Variants in CACNB4 observed in about 807,000 individuals in gnomAD.
CACNB4 encodes calcium voltage-gated channel auxiliary subunit beta 4, also known as voltage-dependent L-type calcium channel subunit beta-4.
In CACNB4, 32 loss-of-function variants were observed where a neutral mutation model predicts 71.2. The ratio of observed to expected loss-of-function variants is 0.45; its 90% CI spans 0.34 to 0.60. The LOEUF (loss-of-function observed/expected upper bound fraction) is 0.60, where lower values mean the gene tolerates loss of function less well. Ranked by LOEUF, CACNB4 falls within the 20% of genes least tolerant of loss-of-function variation. CACNB4 has a pLI of 0.01. For missense variants in CACNB4, 464 were observed against 647.9 expected (o/e 0.72, Z 3.08); for synonymous variants, 231 against 236.9 (o/e 0.97, Z 0.23).
chr2:151,909,772 G>A (rs771251381), intron 2 of CACNB4, among the ~76,000 whole-genome samples: 1 of 152,134 alleles, frequency 6.6e-6, no homozygotes, highest in Non-Finnish European at 1.5e-5. Context: ...TCCCATGGTG[G>A]ATACGTACCA....
intron 12 of CACNB4, among the ~76,000 whole-genome samples, chr2:151,846,901 G>T (rs893177063): frequency 6.6e-6 from 1 of 152,028 alleles, no homozygotes; most frequent in African/African-American, 2.4e-5. Context: ...CTAGACAGGG[G>T]ATTAAATGTA....
chr2:152,084,387 A>G (rs1415462472), intron 2 of CACNB4, among the ~76,000 whole-genome samples: 1 of 152,228 alleles, frequency 6.6e-6, no homozygotes, highest in Non-Finnish European at 1.5e-5. Flanking sequence ...TGAGGAAGGC[A>G]CAGCTCCTGC....
chr2:151,857,994 A>G (rs778998568), intron 10 of CACNB4: 12 of 152,346 alleles, frequency 7.9e-5, no homozygotes, highest in Non-Finnish European at 1.8e-4. Flanking sequence ...GGTGAGCCCA[A>G]TGTTTGGATA....
intron 12 of CACNB4, among the ~76,000 whole-genome samples, chr2:151,842,357 G>A (rs2099836443): frequency 8.4e-6 from 1 of 119,496 alleles, no homozygotes; most frequent in South Asian, 2.7e-4. Context: ...TTAAGACGGA[G>A]TCTCATTCTG....
rs886054961 is a variant in CACNB4, at chr2:151,837,334, C to T, written c.*1785G>A. 10 of 151,938 alleles carry T rather than the reference C, an allele frequency of 6.6e-5. No individual in the cohort carries two copies. Among genetic ancestry groups the T allele is most frequent in the Admixed American group, 4.6e-4 (7 of 15,224 alleles). The allele number at this position is 151,938 out of a possible 1,614,324, so 9.4% of individuals were successfully genotyped here. A position where few individuals can be genotyped will look rare whatever the true frequency, so the allele number is the denominator to read the frequency against. ...TTCATAATGGGGTACAAACACTGAA[C>T]ATAAATGCAGGGGGATGTGGTGAGG... On this transcript the variant is annotated 3_prime_UTR_variant, in exon 14 of 14. Transcript: ENST00000539935.
chr2:151,924,673 G>A (rs2099859809), intron 2 of CACNB4, among the ~76,000 whole-genome samples: 1 of 152,092 alleles, frequency 6.6e-6, no homozygotes, highest in African/African-American at 2.4e-5. Context: ...ATCCCTGGAT[G>A]AATAAGAGAA....
chr2:152,019,644 T>C (rs778040101), intron 2 of CACNB4, among the ~76,000 whole-genome samples: 5 of 152,144 alleles, frequency 3.3e-5, no homozygotes, highest in African/African-American at 7.2e-5. Context: ...ACAAGAAAGA[T>C]GATATCTCCC....
Position 152,098,349 on chromosome 2 carries a change from G to A in CACNB4, c.128C>T (p.Thr43Ile), listed in dbSNP as rs1342557430. The A allele has an allele frequency of 6.2e-7, 1 of 1,613,566 alleles. No homozygotes were observed. Among genetic ancestry groups the A allele is most frequent in the South Asian group, 1.1e-5 (1 of 91,084 alleles). The change falls in exon 2 of 14, where the codon ACC (threonine) becomes ATC (isoleucine). Residue 43 changes from threonine to isoleucine, a missense_variant. Around this residue, in one of 3 missense-constraint regions of CACNB4, gnomAD observed 299 missense variants for 471.7 expected, o/e 0.63. Coordinates refer to ENST00000539935, the MANE Select transcript of CACNB4 (RefSeq NM_000726.5). The surrounding 1 kb of genome is among the most constrained non-coding windows in gnomAD (Gnocchi z 5.3). ...TCATACCTGTCTGAGGATGAAGCTG[G>A]TCGAAGTGGTGCTGCCATCGGATCT... is the stretch of plus-strand genomic sequence containing the variant. ...LKRSDGSTTSTSFILRQGSAD... is the reference protein window; with the variant it reads ...LKRSDGSTTSISFILRQGSAD...
chr2:152,063,270 T>C (rs767486259), intron 2 of CACNB4, among the ~76,000 whole-genome samples: 1 of 152,314 alleles, frequency 6.6e-6, no homozygotes, highest in Middle Eastern at 3.4e-3. Context: ...TACCCAATTA[T>C]AGGAATTGGT....
intron 2 of CACNB4, among the ~76,000 whole-genome samples, chr2:151,951,768 G>A (rs757003223): frequency 2.0e-5 from 3 of 152,154 alleles, no homozygotes; most frequent in Non-Finnish European, 2.9e-5. Context: ...AAAGACTAAC[G>A]AGGAAGCTGG....
intron 2 of CACNB4, among the ~76,000 whole-genome samples, chr2:151,884,629 C>T (rs1353795563): frequency 2.6e-5 from 3 of 116,138 alleles, no homozygotes; most frequent in African/African-American, 1.0e-4. Flanking sequence ...AGCGAGACTC[C>T]GTCTCAAAAA....
In CACNB4 at chr2:151,839,372, C is replaced by T. The variant is rs751754026; in HGVS notation, c.1310G>A (p.Arg437Gln). 146 of 1,606,354 alleles carry T rather than the reference C, an allele frequency of 9.1e-5. No individual in the cohort carries two copies. The highest frequency in any genetic ancestry group is 1.1e-4 in the South Asian group (10 of 90,862). The change falls in exon 14 of 14, where the codon CGA (arginine) becomes CAA (glutamine). Residue 437 changes from arginine (R) to glutamine (Q), a missense_variant. Transcript: ENST00000539935. Reference sequence around the variant, plus strand: ...TGTGGAGTGGTTGCTGTGCCTCATTCGCTGACTCTAAAAATATCAGATAGT... The same window carrying T: ...TGTGGAGTGGTTGCTGTGCCTCATTTGCTGACTCTAAAAATATCAGATAGT... Reference protein sequence around the residue: ...PTAISGLQSQRMRHSNHSTEN... With the variant: ...PTAISGLQSQQMRHSNHSTEN...
intron 2 of CACNB4, among the ~76,000 whole-genome samples, chr2:152,009,446 T>C (rs977961474): frequency 6.6e-6 from 1 of 152,136 alleles, no homozygotes; most frequent in Admixed American, 6.5e-5. Flanking sequence ...CATAAGAACA[T>C]ATCAATATCA....
intron 2 of CACNB4, among the ~76,000 whole-genome samples, chr2:151,940,832 A>T (rs1386520183): frequency 6.6e-6 from 1 of 152,228 alleles, no homozygotes; most frequent in Non-Finnish European, 1.5e-5. Context: ...CCAGGGCTAT[A>T]GTGCTCTTCT....
chr2:151,879,426 A>G (rs1220240035), intron 4 of CACNB4: 1 of 150,628 alleles, frequency 6.6e-6, no homozygotes, highest in South Asian at 2.1e-4. Context: ...GCATAGTTGT[A>G]GCTTTTCTCT....
intron 12 of CACNB4, among the ~76,000 whole-genome samples, chr2:151,845,023 T>C (rs138440584): frequency 6.6e-6 from 1 of 152,234 alleles, no homozygotes; most frequent in Non-Finnish European, 1.5e-5. Context: ...ACAGCCAGGA[T>C]TGCAAAGCCC....
intron 2 of CACNB4, among the ~76,000 whole-genome samples, chr2:151,915,441 GC>G (rs1364511316): frequency 6.6e-6 from 1 of 152,196 alleles, no homozygotes; most frequent in African/African-American, 2.4e-5. Flanking sequence ...TGTCCCTCCC[GC>G]AAGGAGCTCA....
At chr2:151,949,967 G>C (rs950604536) in intron 2 of CACNB4, among the ~76,000 whole-genome samples, 4 of 152,120 alleles carry the variant, frequency 2.6e-5, no homozygotes, top group African/African-American at 9.7e-5. Flanking sequence ...ATAATCACTT[G>C]AACCCGGGAG....
intron 2 of CACNB4, among the ~76,000 whole-genome samples, chr2:151,909,286 T>A (rs1323976449): frequency 1.3e-5 from 2 of 149,866 alleles, no homozygotes; most frequent in Non-Finnish European, 3.0e-5. Flanking sequence ...CAAAAAAAAA[T>A]CAGCGGGGCA....
Sources: allele counts gnomAD v4.1 joint callset (sites outside exome capture counted in the v4.1 genomes callset), GRCh38; gene constraint gnomAD v4.1.1; regional missense constraint gnomAD v4.1.1; non-coding constraint Gnocchi (gnomAD v3.1); transcripts MANE v1.5; gene names NCBI Gene and HGNC (gene_info 2026-07-23, HGNC 2026-07-21).